The following MLLT3 variants were observed in gnomAD, a reference collection of about 807,000 sequenced individuals.
MLLT3 encodes MLLT3 super elongation complex subunit, also known as protein AF-9.
In MLLT3, 4 loss-of-function variants were observed where a neutral mutation model predicts 53.2. The ratio of observed to expected loss-of-function variants is 0.08; its 90% CI spans 0.04 to 0.17. The LOEUF is 0.17. Ranked by LOEUF, MLLT3 falls within the 10% of genes least tolerant of loss-of-function variation. MLLT3 has a pLI of 1.00. For missense variants in MLLT3, 569 were observed against 684.0 expected (o/e 0.83, Z 1.87); for synonymous variants, 283 against 230.6 (o/e 1.23, Z -2.06).
chr9:20,457,652 T>G (rs1037526503), intron 2 of MLLT3, among the ~76,000 whole-genome samples: 1 of 152,186 alleles, frequency 6.6e-6, no homozygotes, highest in African/African-American at 2.4e-5. Context: ...CCAAAAGGAA[T>G]GTTTACTAAA....
chr9:20,344,055 AC>A lies in MLLT3; in HGVS notation c.*2387del, dbSNP rs1264900560. On this transcript the variant is annotated 3_prime_UTR_variant, in exon 11 of 11. Coordinates refer to ENST00000380338, the MANE Select transcript of MLLT3 (RefSeq NM_004529.4). ...GTAGAAGATGGATAAGTTTTTCTGA[AC>A]TTTATCAATTTACAAACTTACATTT... is the stretch of plus-strand genomic sequence containing the variant. 14 of 200,920 alleles carry A rather than the reference AC, an allele frequency of 7.0e-5. No individual in the cohort carries two copies. The highest frequency in any genetic ancestry group is 1.7e-3 in the Middle Eastern group (1 of 606). The allele number at this position is 200,920 out of a possible 1,614,324, so 12.4% of individuals were successfully genotyped here.
intron 5 of MLLT3, among the ~76,000 whole-genome samples, chr9:20,405,379 G>A (rs146257352): frequency 1.3e-5 from 2 of 152,254 alleles, no homozygotes; most frequent in Non-Finnish European, 2.9e-5. Flanking sequence ...TCAGATGATG[G>A]GAAGGTTAAC....
chr9:20,588,358 G>GT (rs1563832390), intron 2 of MLLT3, among the ~76,000 whole-genome samples: 1 of 151,284 alleles, frequency 6.6e-6, no homozygotes, highest in African/African-American at 2.4e-5. Context: ...CTTTAAAGTA[G>GT]TTTTTTCCAA....
intron 2 of MLLT3, among the ~76,000 whole-genome samples, chr9:20,597,981 A>G (rs1388929820): frequency 6.6e-6 from 1 of 152,216 alleles, no homozygotes; most frequent in Non-Finnish European, 1.5e-5. Flanking sequence ...TTTACTTCTA[A>G]ATAATTGTTA....
intron 5 of MLLT3, among the ~76,000 whole-genome samples, chr9:20,395,440 C>A (rs1206640417): frequency 6.6e-6 from 1 of 152,090 alleles, no homozygotes; most frequent in Non-Finnish European, 1.5e-5. Flanking sequence ...TCATAATAGT[C>A]AAATTAATAG....
In MLLT3 at chr9:20,344,970, G is replaced by A; in HGVS notation, c.*1473C>T. ...TTCTTCATTTCTCTTCTTTTCGGCT[G>A]AATTTCTAGTAAAAACTTTGAAGAT... On this transcript the variant is annotated 3_prime_UTR_variant, in exon 11 of 11. Coordinates refer to ENST00000380338, the MANE Select transcript of MLLT3 (RefSeq NM_004529.4). 4.6e-6 allele frequency: 1 copy of A among 216,566 alleles called. No individual in the cohort carries two copies. The highest frequency in any genetic ancestry group is 2.2e-5 in the African/African-American group (1 of 44,570). The allele number at this position is 216,566 out of a possible 1,614,324, so 13.4% of individuals were successfully genotyped here. A position where few individuals can be genotyped will look rare whatever the true frequency, so the allele number is the denominator to read the frequency against.
At chr9:20,385,911 A>T (rs1041886765) in intron 5 of MLLT3, among the ~76,000 whole-genome samples, 2 of 152,314 alleles carry the variant, frequency 1.3e-5, no homozygotes, top group South Asian at 2.1e-4. Context: ...TCTAGCATTG[A>T]TGCTAAGGTG....
At chr9:20,478,530 C>T (rs1358949667) in intron 2 of MLLT3, among the ~76,000 whole-genome samples, 1 of 152,110 alleles carries the variant, frequency 6.6e-6, no homozygotes, top group Non-Finnish European at 1.5e-5. Flanking sequence ...ACAACTCAAC[C>T]AACTGATCGT....
chr9:20,469,133 A>C (rs754620243), intron 2 of MLLT3, among the ~76,000 whole-genome samples: 1 of 152,296 alleles, frequency 6.6e-6, no homozygotes, highest in Non-Finnish European at 1.5e-5. Context: ...CTTGGGAGTC[A>C]CCTTAAATGT....
In MLLT3 at chr9:20,359,145, C is replaced by CAAAA. The variant is rs920197622; in HGVS notation, c.1431+1593_1431+1596dup. Among the ~76,000 whole-genome samples, 37 of 20,974 alleles carry CAAAA rather than the reference C, an allele frequency of 1.8e-3. 2 individuals carry two copies. The highest frequency in any genetic ancestry group is 4.6e-3 in the African/African-American group (29 of 6,314). 13.8% of individuals were successfully genotyped at this position (20,974 alleles called of 152,430 possible). On this transcript the variant is annotated intron_variant, in intron 8 of 10. Coordinates refer to ENST00000380338, the MANE Select transcript of MLLT3 (RefSeq NM_004529.4). ...GGGCAACAAGAGCAAAACTCCATCTCAAAAAAAAAAAAAAAAAAAAAAAAA... is the reference window on the plus strand; with the variant it reads ...GGGCAACAAGAGCAAAACTCCATCTCAAAAAAAAAAAAAAAAAAAAAAAAAAAAA...
intron 3 of MLLT3, among the ~76,000 whole-genome samples, chr9:20,453,518 G>A (rs946007324): frequency 5.9e-5 from 9 of 152,118 alleles, no homozygotes; most frequent in Non-Finnish European, 1.5e-5. Context: ...AGCTGAGACT[G>A]CGCCACTGTA....
At chr9:20,411,337 T>A (rs1045693035) in intron 5 of MLLT3, 1 of 153,200 alleles carries the variant, frequency 6.5e-6, no homozygotes, top group Non-Finnish European at 1.5e-5. Context: ...CAATTCTCTC[T>A]CACCTTCCTT....
chr9:20,361,925 A>G (rs1223350269), intron 7 of MLLT3, among the ~76,000 whole-genome samples: 7 of 152,246 alleles, frequency 4.6e-5, no homozygotes, highest in African/African-American at 1.7e-4. Context: ...TCAGACAGAC[A>G]AGATACAAGA....
At position 20,439,107 on chromosome 9, in the gene MLLT3, C is replaced by T. The variant is rs756037834; in HGVS notation, c.420+9016G>A. On this transcript the variant is annotated intron_variant, in intron 4 of 10. Transcript: ENST00000380338. ...CGGTGGCTCACATCTGTAATCCCAG[C>T]ACTTTCGGAGCTGAGGTGGGCAGAT... Among the ~76,000 whole-genome samples the T allele has an allele frequency of 2.0e-5, 3 of 152,230 alleles. No homozygotes were observed. In the East Asian group the frequency reaches 5.8e-4, roughly 29 times the overall value.
At position 20,395,303 on chromosome 9, in the gene MLLT3, C is replaced by T. The variant is rs889718945; in HGVS notation, c.1125+18418G>A. Among the ~76,000 whole-genome samples the T allele has an allele frequency of 2.5e-4, 38 of 152,140 alleles. 1 individual carries two copies. Among genetic ancestry groups the T allele is most frequent in the South Asian group, 4.1e-4 (2 of 4,826 alleles). On this transcript the variant is annotated intron_variant, in intron 5 of 10. Coordinates refer to ENST00000380338, the MANE Select transcript of MLLT3 (RefSeq NM_004529.4). ...TCTCTTTCATTATTATTATTTCAAA[C>T]GCTAAATGTTATCTACTTAGGATCT...
intron 2 of MLLT3, among the ~76,000 whole-genome samples, chr9:20,463,416 A>G (rs997296836): frequency 4.6e-5 from 7 of 152,130 alleles, no homozygotes; most frequent in Admixed American, 2.0e-4. Flanking sequence ...TATAACAGCT[A>G]TGTTAAAACA....
At chr9:20,427,000 A>C (rs1411769688) in intron 4 of MLLT3, among the ~76,000 whole-genome samples, 1 of 152,084 alleles carries the variant, frequency 6.6e-6, no homozygotes, top group African/African-American at 2.4e-5. Context: ...ACCAAGAAGA[A>C]GCCTTTACAA....
rs371475162 is a variant in MLLT3, at chr9:20,446,986, C to T, written c.420+1137G>A. 8.5e-5 allele frequency among the ~76,000 whole-genome samples: 13 copies of T among 152,234 alleles called. 1 individual carries two copies. Among genetic ancestry groups the T allele is most frequent in the Admixed American group, 5.9e-4 (9 of 15,288 alleles). On this transcript the variant is annotated intron_variant, in intron 4 of 10. Transcript: ENST00000380338. ...GAATGAAATATGGTAAAAGTACTTG[C>T]AATGCTTCAAATGCATATTCATAAT... is the stretch of plus-strand genomic sequence containing the variant.
chr9:20,527,386 G>A (rs1348942504), intron 2 of MLLT3, among the ~76,000 whole-genome samples: 1 of 152,090 alleles, frequency 6.6e-6, no homozygotes, highest in Non-Finnish European at 1.5e-5. Context: ...AATCTTTACT[G>A]GGCACAAAAT....
Sources: allele counts gnomAD v4.1 joint callset (sites outside exome capture counted in the v4.1 genomes callset), GRCh38; gene constraint gnomAD v4.1.1; transcripts MANE v1.5; gene names NCBI Gene and HGNC (gene_info 2026-07-23, HGNC 2026-07-21).